Variants in LRP5 observed in about 807,000 individuals in gnomAD.
The protein encoded by LRP5 is LDL receptor related protein 5.
Under a neutral mutation model 154.1 loss-of-function variants are expected in LRP5, and 62 were observed. The ratio of observed to expected loss-of-function variants is 0.40; its 90% CI spans 0.33 to 0.50. LRP5 has a LOEUF of 0.50. Ranked by LOEUF, LRP5 falls within the 20% of genes least tolerant of loss-of-function variation. The probability of loss-of-function intolerance (pLI) is 0.55; values close to 1 mark genes in which losing one functional copy is unlikely to be tolerated. For synonymous variants in LRP5, 966 were observed against 1,011.5 expected (o/e 0.96, Z 0.85); for missense variants, 1,915 against 2,336.7 (o/e 0.82, Z 3.72).
At chr11:68,320,570 T>A (rs2098596183) in intron 1 of LRP5, among the ~76,000 whole-genome samples, 1 of 151,910 alleles carries the variant, frequency 6.6e-6, no homozygotes. Context: ...CCAGCTGTTC[T>A]CCTGGCTCAG....
At chr11:68,409,126 T>C (rs2098657767) in intron 9 of LRP5, among the ~76,000 whole-genome samples, 1 of 118,784 alleles carries the variant, frequency 8.4e-6, no homozygotes, top group Admixed American at 9.4e-5. Context: ...ACACATAATA[T>C]AAAAATATAT....
intron 21 of LRP5, 140 bp from the exon 22 acceptor site, chr11:68,446,296 C>G (rs2098681375): frequency 2.9e-6 from 2 of 700,964 alleles, no homozygotes; most frequent in Non-Finnish European, 5.1e-6. Flanking sequence ...CCAGGTTTTG[C>G]CAACTGGCCA....
intron 19 of LRP5, 119 bp from the exon 20 acceptor site, chr11:68,438,327 C>G (rs1448302517): frequency 5.0e-6 from 5 of 1,000,812 alleles, no homozygotes; most frequent in Non-Finnish European, 8.0e-6. Flanking sequence ...CCCCCACTTT[C>G]TCCCCACCCT....
rs187137360 is a variant in LRP5, at chr11:68,395,861, C to T, written c.1584+5809C>T. 1.6e-4 allele frequency among the ~76,000 whole-genome samples: 24 copies of T among 152,250 alleles called. No individual in the cohort carries two copies. In the East Asian group the frequency reaches 2.3e-3, roughly 15 times the overall value. ...GTCTTTTCCTCCTGCAAGTGGCCAC[C>T]GCTCTTGGGTATGTCCTCAGGCTTC... is the stretch of plus-strand genomic sequence containing the variant. On this transcript the variant is annotated intron_variant, in intron 7 of 22. Transcript: ENST00000294304.
chr11:68,383,634 T>C (rs2098641427), intron 5 of LRP5, among the ~76,000 whole-genome samples: 1 of 152,222 alleles, frequency 6.6e-6, no homozygotes, highest in Non-Finnish European at 1.5e-5. Flanking sequence ...TGCTCATCCC[T>C]GGATGTAGTG....
intron 3 of LRP5, among the ~76,000 whole-genome samples, chr11:68,362,060 G>C (rs908307265): frequency 4.9e-4 from 75 of 152,316 alleles, no homozygotes; most frequent in Admixed American, 3.8e-3. Flanking sequence ...CACAGATTGG[G>C]TTCTGTCTGC....
chr11:68,448,029 C>G (rs143523714), intron 22 of LRP5, among the ~76,000 whole-genome samples: 2 of 152,196 alleles, frequency 1.3e-5, no homozygotes. Context: ...AGAGGTTTAA[C>G]GGACTCACAG....
chr11:68,439,933 G>T lies in LRP5; in HGVS notation c.4488+17G>T, dbSNP rs1382677740. 2.0e-6 allele frequency: 3 copies of T among 1,518,956 alleles called. No homozygotes were observed. Among genetic ancestry groups the T allele is most frequent in the Non-Finnish European group, 2.6e-6 (3 of 1,132,404 alleles). The allele number at this position is 1,518,956 out of a possible 1,614,324, so 94.1% of individuals were successfully genotyped here. ...TACCCGCCGGTGAGGGGCGGGGCCG[G>T]GGAGGGGCGGGGCGGGATGGGGCTG... is the stretch of plus-strand genomic sequence containing the variant. On this transcript the variant is annotated intron_variant, in intron 21 of 22. Transcript: ENST00000294304.
intron 5 of LRP5, among the ~76,000 whole-genome samples, chr11:68,368,034 C>T (rs545604826): frequency 2.7e-5 from 4 of 147,388 alleles, no homozygotes; most frequent in African/African-American, 1.0e-4. Flanking sequence ...CGCTATACTC[C>T]AGCCTGGGCA....
intron 1 of LRP5, among the ~76,000 whole-genome samples, chr11:68,340,964 GT>G (rs1340791685): frequency 6.7e-6 from 1 of 150,262 alleles, no homozygotes; most frequent in African/African-American, 2.5e-5. Context: ...CATGTCGAAC[GT>G]TTTGTTGTTA....
At chr11:68,305,363 G>C in the LRP5 span, among the ~76,000 whole-genome samples, 2 of 151,850 alleles carry the variant, frequency 1.3e-5, no homozygotes, top group African/African-American at 4.8e-5. Flanking sequence ...GCAGATGCCG[G>C]CACCATGCTT....
the LRP5 span, among the ~76,000 whole-genome samples, chr11:68,301,300 A>G: frequency 6.7e-6 from 1 of 149,034 alleles, no homozygotes; most frequent in Non-Finnish European, 1.5e-5. Flanking sequence ...TACCTTTGCC[A>G]GAAATGTAAA....
At position 68,378,576 on chromosome 11, in the gene LRP5, G is replaced by A. The variant is rs375108449; in HGVS notation, c.1016-7740G>A. 6.6e-5 allele frequency among the ~76,000 whole-genome samples: 10 copies of A among 152,154 alleles called. No individual in the cohort carries two copies. The East Asian group carries it at 1.9e-3, about 29-fold the overall frequency. ...TCTAAGGATAAACCCATTCACCCGT[G>A]TTTCAGAGGCTTTTTTTTCCTCTTA... On this transcript the variant is annotated intron_variant, in intron 5 of 22. Transcript: ENST00000294304.
chr11:68,395,771 C>A (rs541253798), intron 7 of LRP5, among the ~76,000 whole-genome samples: 3 of 152,164 alleles, frequency 2.0e-5, no homozygotes, highest in Non-Finnish European at 4.4e-5. Flanking sequence ...GCACCTCCTG[C>A]CCCGGGACAC....
chr11:68,436,758 T>A, intron 18 of LRP5, 131 bp from the exon 19 acceptor site: 1 of 682,652 alleles, frequency 1.5e-6, no homozygotes, highest in Admixed American at 2.1e-5. Flanking sequence ...ACTAGACCAC[T>A]CCCCGCTGGT....
At chr11:68,385,608 T>G (rs1397403659) in intron 5 of LRP5, among the ~76,000 whole-genome samples, 1 of 151,924 alleles carries the variant, frequency 6.6e-6, no homozygotes, top group Non-Finnish European at 1.5e-5. Flanking sequence ...GTGTGTCAAG[T>G]GGTCGTGAAA....
At chr11:68,360,440 C>T (rs571466597) in intron 3 of LRP5, among the ~76,000 whole-genome samples, 1 of 152,376 alleles carries the variant, frequency 6.6e-6, no homozygotes, top group East Asian at 1.9e-4. Flanking sequence ...TGTTCTCAGC[C>T]TCTCTCCCAC....
rs766546504 is a variant in LRP5 at position 68,363,806 on chromosome 11, C to T, written c.746C>T (p.Thr249Ile). The T allele has an allele frequency of 7.4e-6, 12 of 1,613,082 alleles. No individual in the cohort carries two copies. In the South Asian group the frequency reaches 1.2e-4, roughly 16 times the overall value. The change falls in exon 4 of 23, where the codon ACT (threonine) becomes ATT (isoleucine). Residue 249 changes from threonine to isoleucine, a missense_variant. This residue lies in a region of LRP5 where 773 missense variants were observed against 1,100.9 expected (regional missense o/e 0.70). Coordinates refer to ENST00000294304, the MANE Select transcript of LRP5 (RefSeq NM_002335.4). Reference sequence around the variant, plus strand: ...TTCGCCCTGACGCTCTCCGGGGACACTCTGTACTGGACAGACTGGCAGACC... The same window carrying T: ...TTCGCCCTGACGCTCTCCGGGGACATTCTGTACTGGACAGACTGGCAGACC... ...HPFALTLSGD[T>I]LYWTDWQTRS...
intron 5 of LRP5, among the ~76,000 whole-genome samples, chr11:68,371,853 GGAGGGCTGCCAGTGCCCA>G (rs2098634179): frequency 1.3e-5 from 2 of 152,264 alleles, no homozygotes; most frequent in African/African-American, 2.4e-5. Context: ...CGGTGCCCAT[GGAGGGCTGCCAGTGCCCA>G]GAGAGCCTTC....
Sources: allele counts gnomAD v4.1 joint callset (sites outside exome capture counted in the v4.1 genomes callset), GRCh38; gene constraint gnomAD v4.1.1; regional missense constraint gnomAD v4.1.1; transcripts MANE v1.5; gene names NCBI Gene and HGNC (gene_info 2026-07-23, HGNC 2026-07-21).